Variants in ACADSB observed in about 807,000 individuals in gnomAD.
The protein encoded by ACADSB is acyl-CoA dehydrogenase short/branched chain, also known as short/branched chain specific acyl-CoA dehydrogenase, mitochondrial.
ACADSB carries 40 observed loss-of-function variants against 54.1 expected under a neutral mutation model. That is an observed-to-expected ratio of 0.74 (90% CI 0.57 to 0.96). ACADSB has a LOEUF of 0.96. Ranked by LOEUF, ACADSB falls within the 40% of genes least tolerant of loss-of-function variation. ACADSB has a pLI of 0.00. For synonymous variants in ACADSB, 182 were observed against 182.8 expected, an observed-to-expected ratio of 1.00 and a Z score of 0.03; for missense variants, 530 against 510.4, an observed-to-expected ratio of 1.04 and a Z score of -0.37.
chr10:123,056,865 T>C lies in ACADSB; in HGVS notation c.*3100T>C, dbSNP rs1850715846. On this transcript the variant is annotated 3_prime_UTR_variant, in exon 11 of 11. Transcript: ENST00000358776. ...GCAAATCAGAGTTAAATATTAAAAA[T>C]TGTGTAAATACAATTGACATAGGAA... 3 of 152,622 alleles carry C rather than the reference T, an allele frequency of 2.0e-5. No homozygotes were observed. The highest frequency in any genetic ancestry group is 7.2e-5 in the African/African-American group (3 of 41,444). 9.5% of individuals were successfully genotyped at this position (152,622 alleles called of 1,614,324 possible).
At chr10:123,047,783 C>A (rs1369056548) in intron 8 of ACADSB, among the ~76,000 whole-genome samples, 3 of 152,228 alleles carry the variant, frequency 2.0e-5, no homozygotes, top group Non-Finnish European at 4.4e-5. Context: ...AATGGTAACA[C>A]TTGTTATGGG....
chr10:123,032,470 A>G (rs1419220876), intron 1 of ACADSB, among the ~76,000 whole-genome samples: 2 of 152,030 alleles, frequency 1.3e-5, no homozygotes, highest in Non-Finnish European at 2.9e-5. Flanking sequence ...CCTAGTTGAC[A>G]CATTCTTTCA....
intron 10 of ACADSB, 87 bp from the exon 11 acceptor site, chr10:123,053,608 A>G: frequency 1.8e-6 from 2 of 1,122,682 alleles, no homozygotes; most frequent in Non-Finnish European, 2.7e-6. Context: ...GTTTTATAGC[A>G]AGCGCAGAGG....
In ACADSB at chr10:123,056,643, T is replaced by G. The variant is rs1479671544; in HGVS notation, c.*2878T>G. The G allele has an allele frequency of 1.3e-5, 2 of 152,200 alleles. No individual in the cohort carries two copies. The highest frequency in any genetic ancestry group is 2.9e-5 in the Non-Finnish European group (2 of 68,058). The allele number at this position is 152,200 out of a possible 1,614,324, so 9.4% of individuals were successfully genotyped here. On this transcript the variant is annotated 3_prime_UTR_variant, in exon 11 of 11. Transcript: ENST00000358776. ...AACAGAGAAATGAGAGTTTTGATAT[T>G]TTCTGAAAGAGGAACATGTGTTAGA...
chr10:123,049,735 T>C (rs980522523), intron 8 of ACADSB, among the ~76,000 whole-genome samples: 4 of 152,220 alleles, frequency 2.6e-5, no homozygotes, highest in African/African-American at 9.7e-5. Context: ...GAAACTGTAT[T>C]CCTACCTCAC....
chr10:123,011,356 TCA>T (rs1184276490), intron 1 of ACADSB, among the ~76,000 whole-genome samples: 6 of 152,170 alleles, frequency 3.9e-5, no homozygotes, highest in Admixed American at 6.5e-5. Flanking sequence ...CACATAACAA[TCA>T]GATTGCAATG....
chr10:123,014,323 T>A (rs2133454436), intron 1 of ACADSB, among the ~76,000 whole-genome samples: 1 of 148,690 alleles, frequency 6.7e-6, no homozygotes, highest in East Asian at 1.9e-4. Flanking sequence ...TAGCTATTTT[T>A]AAAATTAATT....
intron 1 of ACADSB, 86 bp from the exon 2 acceptor site, chr10:123,034,270 A>G: frequency 7.1e-7 from 1 of 1,416,812 alleles, no homozygotes; most frequent in Non-Finnish European, 9.8e-7. Context: ...TTTTGGTGAC[A>G]TGAAATATAA....
intron 1 of ACADSB, among the ~76,000 whole-genome samples, chr10:123,025,635 G>T (rs1192613783): frequency 6.6e-6 from 1 of 151,876 alleles, no homozygotes. Flanking sequence ...GAAATCAATG[G>T]GAACAGAAAA....
chr10:123,016,060 AG>A (rs1487399977), intron 1 of ACADSB, among the ~76,000 whole-genome samples: 2 of 152,170 alleles, frequency 1.3e-5, no homozygotes, highest in East Asian at 3.9e-4. Flanking sequence ...CTGGAGAAAA[AG>A]TAATTTAGGG....
At chr10:123,030,264 GC>G (rs1477075985) in intron 1 of ACADSB, among the ~76,000 whole-genome samples, 1 of 152,098 alleles carries the variant, frequency 6.6e-6, no homozygotes, top group African/African-American at 2.4e-5. Context: ...GGTGGCTCAC[GC>G]CAGTAATCCC....
At chr10:123,044,892 A>G (rs1850530535) in intron 7 of ACADSB, among the ~76,000 whole-genome samples, 1 of 151,996 alleles carries the variant, frequency 6.6e-6, no homozygotes, top group Non-Finnish European at 1.5e-5. Flanking sequence ...TATAGTTAAT[A>G]AAAGATTTGT....
At chr10:123,045,160 T>TATATAG (rs1850541171) in intron 7 of ACADSB, among the ~76,000 whole-genome samples, 6 of 15,096 alleles carry the variant, frequency 4.0e-4, no homozygotes, top group African/African-American at 1.8e-3. Flanking sequence ...TATATATATA[T>TATATAG]ATATATATAT....
At chr10:123,012,727 C>T (rs894191836) in intron 1 of ACADSB, among the ~76,000 whole-genome samples, 6 of 152,042 alleles carry the variant, frequency 3.9e-5, no homozygotes, top group Non-Finnish European at 4.4e-5. Flanking sequence ...CAGACCTTCG[C>T]GGTGAGTGTT....
At chr10:123,047,447 T>C (rs1261232834) in intron 8 of ACADSB, 149 bp downstream of exon 8, 3 of 640,486 alleles carry the variant, frequency 4.7e-6, no homozygotes, top group Non-Finnish European at 8.3e-6. Flanking sequence ...TCAGGGAGTG[T>C]ACTTGTGAAT....
At chr10:123,016,364 G>A (rs1850109404) in intron 1 of ACADSB, among the ~76,000 whole-genome samples, 1 of 152,196 alleles carries the variant, frequency 6.6e-6, no homozygotes, top group South Asian at 2.1e-4. Flanking sequence ...GTACACAGTG[G>A]CTGGATTGGT....
At chr10:123,043,239 G>A in intron 6 of ACADSB, 68 bp downstream of exon 6, 1 of 1,592,714 alleles carries the variant, frequency 6.3e-7, no homozygotes, top group Non-Finnish European at 8.6e-7. Flanking sequence ...CACAGGAGGT[G>A]TGCAAGACAG....
At chr10:123,033,391 T>A (rs1468818421) in intron 1 of ACADSB, among the ~76,000 whole-genome samples, 1 of 152,036 alleles carries the variant, frequency 6.6e-6, no homozygotes, top group Non-Finnish European at 1.5e-5. Flanking sequence ...TTTTCTTGAC[T>A]TTTCAGCGTG....
At chr10:123,009,744 G>A (rs1283954544) in intron 1 of ACADSB, among the ~76,000 whole-genome samples, 1 of 152,190 alleles carries the variant, frequency 6.6e-6, no homozygotes, top group Non-Finnish European at 1.5e-5. Flanking sequence ...CTCTTGTTGT[G>A]CTTAATTCTT....
Sources: allele counts gnomAD v4.1 joint callset (sites outside exome capture counted in the v4.1 genomes callset), GRCh38; gene constraint gnomAD v4.1.1; transcripts MANE v1.5; gene names NCBI Gene and HGNC (gene_info 2026-07-23, HGNC 2026-07-21).